The following GRAMD1B variants were observed in gnomAD, a reference collection of about 807,000 sequenced individuals.
GRAMD1B encodes the protein protein Aster-B.
Under a neutral mutation model 99.7 loss-of-function variants are expected in GRAMD1B, and 37 were observed. The ratio of observed to expected loss-of-function variants is 0.37; its 90% confidence interval spans 0.29 to 0.49. The LOEUF (loss-of-function observed/expected upper bound fraction) is 0.49, where lower values mean the gene tolerates loss of function less well. Ranked by LOEUF, GRAMD1B falls within the 20% of genes least tolerant of loss-of-function variation. The pLI is 0.98. For missense variants in GRAMD1B, 888 were observed against 1,009.2 expected (o/e 0.88, Z 1.63); for synonymous variants, 427 against 387.6 (o/e 1.10, Z -1.19).
At chr11:123,547,680 T>C (rs1323251775) in intron 2 of GRAMD1B, among the ~76,000 whole-genome samples, 1 of 152,228 alleles carries the variant, frequency 6.6e-6, no homozygotes, top group Non-Finnish European at 1.5e-5. Context: ...AGTCTAAACA[T>C]GCCTAGTTAC....
At position 123,589,090 on chromosome 11, in the gene GRAMD1B, T is replaced by A. The variant is rs954549499; in HGVS notation, c.684+4758T>A. 1.4e-4 allele frequency among the ~76,000 whole-genome samples: 22 copies of A among 151,748 alleles called. 1 individual carries two copies. Among genetic ancestry groups the A allele is most frequent in the Admixed American group, 1.1e-3 (17 of 15,228 alleles). ...TTGTTTGTGACCGGAATGTGTCACA[T>A]GAGCAGCGTGTCACGTGAGGTCAGG... On this transcript the variant is annotated intron_variant, in intron 4 of 19. Transcript: ENST00000635736.
intron 2 of GRAMD1B, among the ~76,000 whole-genome samples, chr11:123,542,644 TTTTTGTTTTG>T (rs1191800928): frequency 6.6e-6 from 1 of 151,890 alleles, no homozygotes; most frequent in Non-Finnish European, 1.5e-5. Flanking sequence ...AGCAAGTAGG[TTTTTGTTTTG>T]TTTTGTTTTG....
chr11:123,359,404 C>G (rs1170603016), intron 1 of GRAMD1B, among the ~76,000 whole-genome samples: 3 of 132,588 alleles, frequency 2.3e-5, no homozygotes, highest in South Asian at 2.3e-4. Flanking sequence ...GTGAGAGGTT[C>G]CATCCCAGAG....
At chr11:123,490,756 T>C (rs1938463801) in intron 2 of GRAMD1B, among the ~76,000 whole-genome samples, 1 of 151,992 alleles carries the variant, frequency 6.6e-6, no homozygotes, top group African/African-American at 2.4e-5. Flanking sequence ...TATTGAAAGG[T>C]AAGGAAGCAG....
At chr11:123,445,035 G>A (rs1430834916) in intron 1 of GRAMD1B, among the ~76,000 whole-genome samples, 1 of 152,170 alleles carries the variant, frequency 6.6e-6, no homozygotes, top group African/African-American at 2.4e-5. Context: ...TGTCACTCAG[G>A]AAAGTCCAAG....
At chr11:123,548,325 T>TATATATATATATATATATATACAC (rs1555067740) in intron 2 of GRAMD1B, among the ~76,000 whole-genome samples, 2 of 86,838 alleles carry the variant, frequency 2.3e-5, no homozygotes, top group African/African-American at 5.1e-5. Context: ...TATATATATA[T>TATATATATATATATATATATACAC]ACACACACAC....
intron 1 of GRAMD1B, among the ~76,000 whole-genome samples, chr11:123,447,071 T>G (rs544719217): frequency 6.6e-6 from 1 of 152,174 alleles, no homozygotes; most frequent in East Asian, 1.9e-4. Context: ...TATGTAAAAG[T>G]TAATTTCAGT....
At chr11:123,467,662 G>A (rs1950758618) in intron 1 of GRAMD1B, among the ~76,000 whole-genome samples, 1 of 152,128 alleles carries the variant, frequency 6.6e-6, no homozygotes, top group South Asian at 2.1e-4. Context: ...ATCGCCAGAT[G>A]TCTGGAACCA....
intron 1 of GRAMD1B, among the ~76,000 whole-genome samples, chr11:123,384,097 T>C (rs1052152778): frequency 6.6e-6 from 1 of 152,124 alleles, no homozygotes; most frequent in Non-Finnish European, 1.5e-5. Flanking sequence ...CTTGAACTCC[T>C]GACCTCAAGT....
intron 2 of GRAMD1B, among the ~76,000 whole-genome samples, chr11:123,556,646 T>C (rs893416420): frequency 2.6e-5 from 4 of 152,156 alleles, no homozygotes; most frequent in South Asian, 4.1e-4. Flanking sequence ...GAAGGAAAGG[T>C]TTAATTCAGA....
intron 2 of GRAMD1B, among the ~76,000 whole-genome samples, chr11:123,519,682 CAA>C (rs1942012091): frequency 6.6e-6 from 1 of 152,232 alleles, no homozygotes; most frequent in African/African-American, 2.4e-5. Flanking sequence ...GCTCCTGGAG[CAA>C]AGAGGGGCAC....
At chr11:123,497,440 A>G (rs1307394302) in intron 2 of GRAMD1B, among the ~76,000 whole-genome samples, 1 of 152,170 alleles carries the variant, frequency 6.6e-6, no homozygotes, top group African/African-American at 2.4e-5. Flanking sequence ...AAGTTCACTC[A>G]AGATCCTAGG....
intron 1 of GRAMD1B, among the ~76,000 whole-genome samples, chr11:123,395,772 G>A (rs551799688): frequency 3.4e-4 from 52 of 152,278 alleles, no homozygotes; most frequent in Non-Finnish European, 6.2e-4. Context: ...AATAGCCAAG[G>A]ATGAAAACCC....
chr11:123,555,251 G>A (rs188628179), intron 2 of GRAMD1B, among the ~76,000 whole-genome samples: 1 of 152,160 alleles, frequency 6.6e-6, no homozygotes, highest in Admixed American at 6.5e-5. Context: ...TACCTTGAAG[G>A]GTTGTTTTGA....
At chr11:123,485,933 C>G (rs760767868) in intron 2 of GRAMD1B, among the ~76,000 whole-genome samples, 4 of 152,068 alleles carry the variant, frequency 2.6e-5, no homozygotes, top group Non-Finnish European at 4.4e-5. Context: ...CCAGGCTGGT[C>G]TAGAACTCCT....
chr11:123,419,686 G>A (rs539364791), intron 1 of GRAMD1B, among the ~76,000 whole-genome samples: 4 of 148,400 alleles, frequency 2.7e-5, no homozygotes, highest in South Asian at 2.2e-4. Context: ...GAAGGGAGTC[G>A]GGGAATTTCT....
At chr11:123,412,254 A>G (rs1948077668) in intron 1 of GRAMD1B, among the ~76,000 whole-genome samples, 1 of 152,220 alleles carries the variant, frequency 6.6e-6, no homozygotes, top group East Asian at 1.9e-4. Flanking sequence ...ATTGTTGTCA[A>G]CTTTTCACTT....
chr11:123,414,361 T>C (rs112077729), intron 1 of GRAMD1B, among the ~76,000 whole-genome samples: 155 of 152,262 alleles, frequency 1.0e-3, no homozygotes, highest in African/African-American at 3.4e-3. Context: ...TCATCATCAT[T>C]ATAATAATAA....
intron 11 of GRAMD1B, among the ~76,000 whole-genome samples, 156 bp downstream of exon 11, chr11:123,606,954 CCT>C (rs1952829226): frequency 6.6e-6 from 1 of 152,114 alleles, no homozygotes; most frequent in African/African-American, 2.4e-5. Context: ...AGTTTACATC[CCT>C]GTTTTCAGTC....
Sources: gnomAD v4.1 joint callset for allele counts (sites outside exome capture counted in the v4.1 genomes callset) on GRCh38, gnomAD v4.1.1 for gene constraint, MANE v1.5 for transcripts, NCBI Gene and HGNC (gene_info 2026-07-23, HGNC 2026-07-21) for gene names.